TDRD5: variants seen among roughly 807,000 people sequenced by gnomAD.
The protein encoded by TDRD5 is tudor domain-containing protein 5.
A neutral mutation model predicts 120.6 loss-of-function variants in TDRD5; 41 were observed. The observed-to-expected ratio is 0.34, with a 90% CI of 0.26 to 0.44. The LOEUF is 0.44. Ranked by LOEUF, TDRD5 falls within the 20% of genes least tolerant of loss-of-function variation. The pLI, the probability that TDRD5 is intolerant of heterozygous loss-of-function variation, is 1.00. For synonymous variants in TDRD5, 430 were observed against 433.7 expected, an observed-to-expected ratio of 0.99 and a Z score of 0.11; for missense variants, 1,006 against 1,221.2, an observed-to-expected ratio of 0.82 and a Z score of 2.63.
chr1:179,634,576 C>T lies in TDRD5; in HGVS notation c.1246C>T (p.Pro416Ser). The change falls in exon 8 of 18, where the codon CCA (proline) becomes TCA (serine). Residue 416 changes from proline to serine, a missense_variant. Transcript: ENST00000444136. ...TTGCCCTTCAAAAAAACAAAAAGAG[C>T]CACAACAGAAGATTTGCAAGAAGCC... The part of the protein sequence containing the change: ...WNCPSKKQKE[P>S]QQKICKKPNL... The T allele has an allele frequency of 6.2e-7, 1 of 1,613,810 alleles. No homozygotes were observed. Among genetic ancestry groups the T allele is most frequent in the Non-Finnish European group, 8.5e-7 (1 of 1,179,924 alleles).
At chr1:179,602,801 A>C (rs1675786515) in intron 4 of TDRD5, among the ~76,000 whole-genome samples, 1 of 152,062 alleles carries the variant, frequency 6.6e-6, no homozygotes, top group South Asian at 2.1e-4. Flanking sequence ...AGTTTGAAAT[A>C]AGGTAGTGTT....
intron 17 of TDRD5, among the ~76,000 whole-genome samples, chr1:179,677,920 T>G (rs66538617): frequency 0.079 from 12,088 of 152,204 alleles, 606 homozygotes; most frequent in African/African-American, 0.12. Context: ...CCTGGTTAAG[T>G]ACTCAGGTTT....
intron 17 of TDRD5, among the ~76,000 whole-genome samples, chr1:179,682,217 T>G (rs974450943): frequency 6.6e-6 from 1 of 151,634 alleles, no homozygotes; most frequent in Non-Finnish European, 1.5e-5. Flanking sequence ...TGCCAGACAC[T>G]GTGAATTTTA....
At chr1:179,635,003 A>AT (rs757264480) in intron 8 of TDRD5, among the ~76,000 whole-genome samples, 5 of 151,228 alleles carry the variant, frequency 3.3e-5, no homozygotes, top group Admixed American at 6.6e-5. Flanking sequence ...GGGTGCTTTT[A>AT]TTTTTTTTCT....
intron 17 of TDRD5, among the ~76,000 whole-genome samples, chr1:179,673,369 G>T (rs937145180): frequency 3.9e-5 from 6 of 152,068 alleles, no homozygotes; most frequent in African/African-American, 1.4e-4. Flanking sequence ...TGTGAAAGGG[G>T]TTGAGTTTGT....
At position 179,593,555 on chromosome 1, in the gene TDRD5, A is replaced by G. The variant is rs1675229213; in HGVS notation, c.328A>G (p.Ser110Gly). Residue 110 changes from serine (S) to glycine (G), a missense_variant, in exon 3 of 18, where the codon AGT becomes GGT. By Grantham distance (56) the Ser-to-Gly change is moderately conservative. This residue lies in a region of TDRD5 where 445 missense variants were observed against 515.5 expected (regional missense o/e 0.86). Coordinates refer to ENST00000444136, the MANE Select transcript of TDRD5 (RefSeq NM_001199085.3). The stretch of plus-strand genomic sequence containing the variant: ...AAACTCAATGCATAAGGGAAGACCT[A>G]GTATTTATTCTGGACCGAGATCTCA... ...LRNSMHKGRPSIYSGPRSHRR... is the reference protein window; with the variant it reads ...LRNSMHKGRPGIYSGPRSHRR... 6.2e-7 allele frequency: 1 copy of G among 1,614,130 alleles called. No homozygotes were observed. Among genetic ancestry groups the G allele is most frequent in the Non-Finnish European group, 8.5e-7 (1 of 1,180,050 alleles).
chr1:179,635,948 C>T, intron 9 of TDRD5, 61 bp downstream of exon 9: 1 of 1,497,554 alleles, frequency 6.7e-7, no homozygotes, highest in Non-Finnish European at 9.0e-7. Context: ...AGTTCTCAAA[C>T]ATTTCGGTTT....
chr1:179,681,209 C>T (rs1680401895), intron 17 of TDRD5, among the ~76,000 whole-genome samples: 1 of 152,176 alleles, frequency 6.6e-6, no homozygotes, highest in Admixed American at 6.5e-5. Flanking sequence ...TCTCAAGCAG[C>T]TAGGATCACA....
At chr1:179,656,765 G>A (rs1679027847) in intron 14 of TDRD5, among the ~76,000 whole-genome samples, 1 of 152,164 alleles carries the variant, frequency 6.6e-6, no homozygotes, top group Non-Finnish European at 1.5e-5. Flanking sequence ...AAATCAGGTA[G>A]TATGGGCTGG....
chr1:179,618,568 G>A (rs1272158992), intron 4 of TDRD5, 31 bp from the exon 5 acceptor site: 1 of 1,550,396 alleles, frequency 6.4e-7, no homozygotes, highest in Non-Finnish European at 8.7e-7. Context: ...CAGGGGGACT[G>A]TGACTTGACT....
chr1:179,656,000 T>C (rs920503384), intron 14 of TDRD5, among the ~76,000 whole-genome samples: 1 of 152,190 alleles, frequency 6.6e-6, no homozygotes, highest in African/African-American at 2.4e-5. Flanking sequence ...CTGGGTCATG[T>C]GATAAGTGTA....
At chr1:179,625,293 G>A (rs566409223) in intron 6 of TDRD5, among the ~76,000 whole-genome samples, 1 of 152,246 alleles carries the variant, frequency 6.6e-6, no homozygotes, top group South Asian at 2.1e-4. Flanking sequence ...GGACACAGAA[G>A]CAGTAATCAG....
At chr1:179,654,939 G>T (rs1299997915) in intron 14 of TDRD5, among the ~76,000 whole-genome samples, 1 of 152,136 alleles carries the variant, frequency 6.6e-6, no homozygotes, top group East Asian at 1.9e-4. Flanking sequence ...CTAGTATTGA[G>T]AAATTATATT....
Position 179,595,796 on chromosome 1 carries a change from A to T in TDRD5, c.809A>T (p.Asn270Ile), listed in dbSNP as rs1302711186. Residue 270 changes from asparagine (N) to isoleucine (I), a missense_variant, in exon 4 of 18, where the codon AAT (asparagine) becomes ATT (isoleucine). By Grantham distance (149) the Asn-to-Ile change is moderately radical. Coordinates refer to ENST00000444136, the MANE Select transcript of TDRD5 (RefSeq NM_001199085.3). ...KLNVVETSRL[N>I]HTEKLNQLEN... is the part of the protein sequence containing the mutation. ...AATGTAGTGGAGACTTCAAGACTGA[A>T]TCACACTGAAAAATTAAACCAGGTG... The T allele has an allele frequency of 4.4e-6, 7 of 1,606,510 alleles. No homozygotes were observed. The highest frequency in any genetic ancestry group is 5.9e-6 in the Non-Finnish European group (7 of 1,177,692).
chr1:179,595,248 A>C (rs911735537), intron 3 of TDRD5, among the ~76,000 whole-genome samples: 1 of 152,136 alleles, frequency 6.6e-6, no homozygotes. Context: ...CTGTGGTACT[A>C]CTACTAGTGG....
chr1:179,665,347 G>A (rs1218262579), intron 16 of TDRD5, among the ~76,000 whole-genome samples: 1 of 152,066 alleles, frequency 6.6e-6, no homozygotes, highest in African/African-American at 2.4e-5. Flanking sequence ...ATTTACACTT[G>A]TGTTTTCACC....
chr1:179,663,219 A>G (rs1679399831), intron 15 of TDRD5, 129 bp from the exon 16 acceptor site: 1 of 1,099,118 alleles, frequency 9.1e-7, no homozygotes, highest in Non-Finnish European at 1.3e-6. Flanking sequence ...TCAAACTGAT[A>G]TAGAAAGTTA....
intron 2 of TDRD5, 121 bp from the exon 3 acceptor site, chr1:179,593,339 T>G (rs1422799227): frequency 9.0e-7 from 1 of 1,113,706 alleles, no homozygotes; most frequent in Non-Finnish European, 1.2e-6. Flanking sequence ...AGTTACTGTT[T>G]ATCGTGCTGC....
At chr1:179,639,400 A>G (rs1444365792) in intron 9 of TDRD5, among the ~76,000 whole-genome samples, 5 of 152,178 alleles carry the variant, frequency 3.3e-5, no homozygotes, top group Admixed American at 1.3e-4. Context: ...AAAAATAACT[A>G]TTGACAAAGA....
Sources: allele counts gnomAD v4.1 joint callset (sites outside exome capture counted in the v4.1 genomes callset), GRCh38; gene constraint gnomAD v4.1.1; regional missense constraint gnomAD v4.1.1; transcripts MANE v1.5; gene names NCBI Gene and HGNC (gene_info 2026-07-23, HGNC 2026-07-21).